TMEM132D: variants seen among roughly 807,000 people sequenced by gnomAD.
The protein encoded by TMEM132D is transmembrane protein 132D, also known as mature OL transmembrane protein.
In TMEM132D, 21 loss-of-function variants were observed where a neutral mutation model predicts 62.3. That is an observed-to-expected ratio of 0.34 (90% CI 0.24 to 0.49). The LOEUF is 0.49. TMEM132D is among the 20% of genes least tolerant of loss of function. The pLI, the probability that TMEM132D is intolerant of heterozygous loss-of-function variation, is 0.99. For missense variants in TMEM132D, 1,346 were observed against 1,402.8 expected (o/e 0.96, Z 0.65); for synonymous variants, 621 against 575.6 (o/e 1.08, Z -1.13).
intron 8 of TMEM132D, 114 bp downstream of exon 8, chr12:129,078,420 G>A (rs1044948066): frequency 9.7e-5 from 102 of 1,054,996 alleles, no homozygotes; most frequent in East Asian, 7.2e-5. Context: ...AGAAACAAAC[G>A]CCCGATATAT....
chr12:129,166,776 CATATATAT>C (rs59414458), intron 5 of TMEM132D, among the ~76,000 whole-genome samples: 12 of 95,486 alleles, frequency 1.3e-4, no homozygotes, highest in East Asian at 1.2e-3. Context: ...TATATATATA[CATATATAT>C]ATATATATAT....
At chr12:129,486,810 A>C (rs919906659) in intron 3 of TMEM132D, among the ~76,000 whole-genome samples, 3 of 102,742 alleles carry the variant, frequency 2.9e-5, no homozygotes, top group Non-Finnish European at 5.9e-5. Context: ...TATTAAGCAC[A>C]TTATTAAGCA....
chr12:129,678,141 T>C (rs1284165893), intron 2 of TMEM132D, among the ~76,000 whole-genome samples: 1 of 152,132 alleles, frequency 6.6e-6, no homozygotes, highest in Non-Finnish European at 1.5e-5. Context: ...TATTTAAGTA[T>C]ATCTTTTGGT....
chr12:129,671,580 A>G (rs909029940), intron 2 of TMEM132D, among the ~76,000 whole-genome samples: 6 of 152,156 alleles, frequency 3.9e-5, no homozygotes, highest in Admixed American at 2.0e-4. Context: ...GGGCAGCTAT[A>G]TGGAAAAGAT....
intron 1 of TMEM132D, among the ~76,000 whole-genome samples, chr12:129,861,845 C>A (rs1566011829): frequency 6.6e-6 from 1 of 151,936 alleles, no homozygotes; most frequent in East Asian, 1.9e-4. Context: ...AACATCACTA[C>A]TGTAGAACCT....
At chr12:129,619,487 T>C (rs1879006675) in intron 2 of TMEM132D, among the ~76,000 whole-genome samples, 1 of 152,196 alleles carries the variant, frequency 6.6e-6, no homozygotes, top group Non-Finnish European at 1.5e-5. Context: ...TTTCCCTATG[T>C]CTACATAATT....
At position 129,381,667 on chromosome 12, in the gene TMEM132D, T is replaced by C. The variant is rs140833004; in HGVS notation, c.1116-43850A>G. Among the ~76,000 whole-genome samples the C allele has an allele frequency of 3.9e-3, 588 of 151,356 alleles. 4 individuals are homozygous for C. The highest frequency in any genetic ancestry group is 0.013 in the African/African-American group (547 of 41,194). ...TCAGAGTTCTCTGCACACTCCTTTGTATTTCTGACTTTTTTCTTTTCTTTT... is the reference window on the plus strand; with the variant it reads ...TCAGAGTTCTCTGCACACTCCTTTGCATTTCTGACTTTTTTCTTTTCTTTT... On this transcript the variant is annotated intron_variant, in intron 3 of 8. Coordinates refer to ENST00000422113, the MANE Select transcript of TMEM132D (RefSeq NM_133448.3).
At position 129,627,035 on chromosome 12, in the gene TMEM132D, G is replaced by A. The variant is rs146540109; in HGVS notation, c.968+72775C>T. Among the ~76,000 whole-genome samples, 360 of 152,254 alleles carry A rather than the reference G, an allele frequency of 2.4e-3. 4 individuals are homozygous for A. Among genetic ancestry groups the A allele is most frequent in the African/African-American group, 8.3e-3 (344 of 41,548 alleles). On this transcript the variant is annotated intron_variant, in intron 2 of 8. Transcript: ENST00000422113. ...AGAATTGGAAAAGGAAGCATATTAC[G>A]TTAGTGATTGTGACTAGTGTGACAG...
intron 2 of TMEM132D, among the ~76,000 whole-genome samples, chr12:129,637,254 C>A (rs1192445641): frequency 1.3e-5 from 2 of 152,162 alleles, no homozygotes; most frequent in Non-Finnish European, 2.9e-5. Context: ...CTTTGTCTCT[C>A]TAAAATTTAC....
rs1047234259 is a variant in TMEM132D at position 129,870,222 on chromosome 12, A to G, written c.79+33039T>C. 2.6e-5 allele frequency among the ~76,000 whole-genome samples: 4 copies of G among 152,112 alleles called. No individual in the cohort carries two copies. In the East Asian group the frequency reaches 7.7e-4, roughly 29 times the overall value. ...GGTCTAGAACCCCTGGGCTCAAGAG[A>G]TCCACCCACAGCAGCCTCTCAAGGT... On this transcript the variant is annotated intron_variant, in intron 1 of 8. Transcript: ENST00000422113.
intron 1 of TMEM132D, among the ~76,000 whole-genome samples, chr12:129,767,569 T>G (rs1193240198): frequency 6.6e-6 from 1 of 152,152 alleles, no homozygotes; most frequent in Non-Finnish European, 1.5e-5. Context: ...TCTCCAGGAG[T>G]CTCAAATGGC....
chr12:129,370,890 G>A (rs1870575508), intron 3 of TMEM132D, among the ~76,000 whole-genome samples: 1 of 151,874 alleles, frequency 6.6e-6, no homozygotes. Context: ...AGATGGGAGG[G>A]GAAATAAAGA....
At chr12:129,781,784 C>G (rs1432661589) in intron 1 of TMEM132D, among the ~76,000 whole-genome samples, 1 of 152,208 alleles carries the variant, frequency 6.6e-6, no homozygotes, top group East Asian at 1.9e-4. Flanking sequence ...TGAGATCCAA[C>G]AGAGGCTGGG....
At position 129,637,882 on chromosome 12, in the gene TMEM132D, C is replaced by G. The variant is rs142320238; in HGVS notation, c.968+61928G>C. ...TCTGGTTAGAACTCACTCACCCACT[C>G]ACTATCACAAGAATAGCACCAAGGG... On this transcript the variant is annotated intron_variant, in intron 2 of 8. Coordinates refer to ENST00000422113, the MANE Select transcript of TMEM132D (RefSeq NM_133448.3). Among the ~76,000 whole-genome samples, 6 of 152,126 alleles carry G rather than the reference C, an allele frequency of 3.9e-5. No individual in the cohort carries two copies. In the South Asian group the frequency reaches 1.2e-3, roughly 31 times the overall value.
intron 3 of TMEM132D, among the ~76,000 whole-genome samples, chr12:129,468,478 G>A (rs1158065216): frequency 4.6e-5 from 7 of 152,176 alleles, no homozygotes; most frequent in African/African-American, 1.7e-4. Context: ...TGCATCCACA[G>A]GAAGACAATT....
intron 1 of TMEM132D, among the ~76,000 whole-genome samples, chr12:129,739,460 C>T (rs1310570537): frequency 6.6e-6 from 1 of 152,146 alleles, no homozygotes; most frequent in East Asian, 1.9e-4. Context: ...GCACGCTGGC[C>T]TACCTCAGCT....
intron 1 of TMEM132D, among the ~76,000 whole-genome samples, chr12:129,726,329 AG>A (rs1450171660): frequency 2.0e-5 from 3 of 152,128 alleles, no homozygotes; most frequent in Admixed American, 2.0e-4. Context: ...GTCCCTGAGG[AG>A]GTAACATTTG....
chr12:129,466,209 C>T (rs1233246259), intron 3 of TMEM132D, among the ~76,000 whole-genome samples: 2 of 150,524 alleles, frequency 1.3e-5, no homozygotes, highest in African/African-American at 4.9e-5. Flanking sequence ...TGTTTCTGCT[C>T]TCTCATGCAG....
intron 2 of TMEM132D, among the ~76,000 whole-genome samples, chr12:129,544,816 C>A (rs1204875883): frequency 6.6e-6 from 1 of 152,210 alleles, no homozygotes; most frequent in Non-Finnish European, 1.5e-5. Context: ...TTAAAAGTAA[C>A]ACTTATCAGT....
Sources: gnomAD v4.1 joint callset for allele counts (sites outside exome capture counted in the v4.1 genomes callset) on GRCh38, gnomAD v4.1.1 for gene constraint, MANE v1.5 for transcripts, NCBI Gene and HGNC (gene_info 2026-07-23, HGNC 2026-07-21) for gene names.